BRAF: variants seen among roughly 807,000 people sequenced by gnomAD.
BRAF encodes serine/threonine-protein kinase B-raf.
BRAF carries 16 observed loss-of-function variants against 104.6 expected under a neutral mutation model. The observed-to-expected ratio is 0.15, with a 90% CI of 0.10 to 0.23. The LOEUF (loss-of-function observed/expected upper bound fraction) is 0.23. Among genes scored for constraint, BRAF ranks in the 10% least tolerant of loss-of-function variants. BRAF has a pLI of 1.00. For synonymous variants in BRAF, 310 were observed against 341.6 expected (o/e 0.91, Z 1.02); for missense variants, 541 against 937.3 (o/e 0.58, Z 5.52).
chr7:140,904,694 T>C (rs1816095467), intron 1 of BRAF, among the ~76,000 whole-genome samples: 1 of 152,174 alleles, frequency 6.6e-6, no homozygotes, highest in African/African-American at 2.4e-5. Context: ...CTGCAACCTC[T>C]GCCTCCTGGG....
chr7:140,865,347 TGGGATTA>T (rs1327614900), intron 1 of BRAF, among the ~76,000 whole-genome samples: 2 of 152,170 alleles, frequency 1.3e-5, no homozygotes, highest in Admixed American at 6.5e-5. Context: ...CCCAAAGTGC[TGGGATTA>T]CACACATGAG....
intron 1 of BRAF, among the ~76,000 whole-genome samples, chr7:140,868,476 C>CA (rs1362716456): frequency 2.0e-5 from 3 of 151,742 alleles, no homozygotes; most frequent in African/African-American, 4.9e-5. Flanking sequence ...GAAGCAGTCA[C>CA]AAAAAACCAC....
rs193180081 is a variant in BRAF, at chr7:140,757,248, T to C, written c.1815-3015A>G. Among the ~76,000 whole-genome samples the C allele has an allele frequency of 1.1e-4, 16 of 152,214 alleles. No homozygotes were observed. In the South Asian group the frequency reaches 1.5e-3, roughly 14 times the overall value. On this transcript the variant is annotated intron_variant, in intron 14 of 19. Transcript: ENST00000644969. Reference sequence around the variant, plus strand: ...ATTCTTGAATTGCTCCTATAAAACATTTTCCCCATCTTATACTTGTATATT... The same window carrying C: ...ATTCTTGAATTGCTCCTATAAAACACTTTCCCCATCTTATACTTGTATATT...
chr7:140,912,708 C>T (rs1817123538), intron 1 of BRAF, among the ~76,000 whole-genome samples: 1 of 152,170 alleles, frequency 6.6e-6, no homozygotes, highest in Non-Finnish European at 1.5e-5. Context: ...TTCAATATTT[C>T]ACCTAATTTT....
chr7:140,716,442 A>G (rs1795131764), downstream of BRAF, among the ~76,000 whole-genome samples: 3 of 151,920 alleles, frequency 2.0e-5, no homozygotes, highest in Admixed American at 2.0e-4. Flanking sequence ...TGTTATTTCT[A>G]GACCATTGGA....
At chr7:140,870,307 T>C (rs1244235622) in intron 1 of BRAF, among the ~76,000 whole-genome samples, 2 of 152,184 alleles carry the variant, frequency 1.3e-5, no homozygotes, top group Non-Finnish European at 2.9e-5. Context: ...AATAATTCCT[T>C]ACATGTAAGA....
At chr7:140,894,921 C>T (rs1814707527) in intron 1 of BRAF, among the ~76,000 whole-genome samples, 2 of 152,170 alleles carry the variant, frequency 1.3e-5, no homozygotes, top group Non-Finnish European at 1.5e-5. Flanking sequence ...AATGAACTTA[C>T]TTTCGAGAAA....
intron 14 of BRAF, chr7:140,757,956 T>G (rs549547022): frequency 6.6e-6 from 1 of 152,224 alleles, no homozygotes; most frequent in African/African-American, 2.4e-5. Context: ...TGAGAGATTA[T>G]CATTAAAATG....
intron 1 of BRAF, among the ~76,000 whole-genome samples, chr7:140,870,871 TAAAA>T (rs369012646): frequency 8.0e-6 from 1 of 125,130 alleles, no homozygotes; most frequent in Non-Finnish European, 1.7e-5. Context: ...TTTTCTTACT[TAAAA>T]AAAAAAAAAA....
chr7:140,718,469 C>A (rs111720314), downstream of BRAF, among the ~76,000 whole-genome samples: 6 of 152,306 alleles, frequency 3.9e-5, no homozygotes, highest in East Asian at 1.2e-3. Flanking sequence ...AGGCTGGTCT[C>A]GAACTCCTAA....
At chr7:140,884,974 TTTTA>T (rs564140839) in intron 1 of BRAF, among the ~76,000 whole-genome samples, 183 of 151,744 alleles carry the variant, frequency 1.2e-3, no homozygotes, top group African/African-American at 3.4e-3. Flanking sequence ...TCTTATTCAT[TTTTA>T]TTTATTTATT....
chr7:140,867,719 A>C (rs2129089383), intron 1 of BRAF, among the ~76,000 whole-genome samples: 1 of 152,288 alleles, frequency 6.6e-6, no homozygotes, highest in African/African-American at 2.4e-5. Flanking sequence ...ATGTAAGAGA[A>C]AACTAGTTCA....
intron 1 of BRAF, among the ~76,000 whole-genome samples, chr7:140,921,788 G>T (rs1818253463): frequency 7.4e-6 from 1 of 135,094 alleles, no homozygotes. Context: ...TTTCCCTCTG[G>T]GAAACTTTTA....
At chr7:140,892,512 G>C (rs1024386314) in intron 1 of BRAF, among the ~76,000 whole-genome samples, 2 of 152,122 alleles carry the variant, frequency 1.3e-5, no homozygotes, top group Admixed American at 1.3e-4. Context: ...TAGACAAGGA[G>C]GAACATTTAA....
chr7:140,855,483 T>C (rs1346957281), intron 1 of BRAF, among the ~76,000 whole-genome samples: 1 of 151,558 alleles, frequency 6.6e-6, no homozygotes. Context: ...TAAAAAATCC[T>C]AGAAGATGCC....
At chr7:140,770,733 C>A (rs1252922220) in intron 14 of BRAF, among the ~76,000 whole-genome samples, 1 of 151,866 alleles carries the variant, frequency 6.6e-6, no homozygotes, top group Non-Finnish European at 1.5e-5. Context: ...GTCAGGAGTT[C>A]AAGACCAGCC....
chr7:140,724,908 A>C lies in BRAF; in HGVS notation c.*1586T>G. The C allele has an allele frequency of 1.9e-6, 2 of 1,036,724 alleles. No individual in the cohort carries two copies. The highest frequency in any genetic ancestry group is 2.3e-6 in the Non-Finnish European group (2 of 861,362). The allele number at this position is 1,036,724 out of a possible 1,614,324, so 64.2% of individuals were successfully genotyped here. On this transcript the variant is annotated 3_prime_UTR_variant, in exon 20 of 20. Transcript: ENST00000644969. ...TGACTGTGATTGATATTACCCTTTA[A>C]TAAAGGCCAAAGGAAGCTATAACTA...
In BRAF at chr7:140,914,621, T is replaced by C. The variant is rs145838423; in HGVS notation, c.138+9945A>G. On this transcript the variant is annotated intron_variant, in intron 1 of 19. Coordinates refer to ENST00000644969, the MANE Select transcript of BRAF (RefSeq NM_001374258.1). ...AATTATCAATAGTACTTTATCTTTT[T>C]ATGGTAAAAAAAAGTTATAAAGGCA... Among the ~76,000 whole-genome samples the C allele has an allele frequency of 7.2e-5, 11 of 152,160 alleles. No homozygotes were observed. In the East Asian group the frequency reaches 1.9e-3, roughly 27 times the overall value.
At chr7:140,889,250 C>T (rs538943030) in intron 1 of BRAF, among the ~76,000 whole-genome samples, 6 of 152,094 alleles carry the variant, frequency 3.9e-5, no homozygotes, top group African/African-American at 9.7e-5. Flanking sequence ...ATTATCCAGG[C>T]TACTTAAAAT....
Sources: allele counts gnomAD v4.1 joint callset (sites outside exome capture counted in the v4.1 genomes callset), GRCh38; gene constraint gnomAD v4.1.1; transcripts MANE v1.5; gene names NCBI Gene and HGNC (gene_info 2026-07-23, HGNC 2026-07-21).